Variants in ARHGAP15 observed in about 807,000 individuals in gnomAD.
ARHGAP15 encodes Rho GTPase activating protein 15.
ARHGAP15 carries 51 observed loss-of-function variants against 63.7 expected under a neutral mutation model. The observed-to-expected ratio is 0.80, with a 90% CI of 0.64 to 1.01. The LOEUF is 1.01. ARHGAP15 is among the 50% of genes least tolerant of loss of function. ARHGAP15 has a pLI of 0.00. For synonymous variants in ARHGAP15, 191 were observed against 193.8 expected (o/e 0.99, Z 0.12); for missense variants, 560 against 564.6 (o/e 0.99, Z 0.08).
At position 143,534,653 on chromosome 2, in the gene ARHGAP15, C is replaced by T. The variant is rs573112965; in HGVS notation, c.925+15289C>T. 8.4e-4 allele frequency among the ~76,000 whole-genome samples: 127 copies of T among 151,988 alleles called. 1 individual carries two copies. Among genetic ancestry groups the T allele is most frequent in the Admixed American group, 2.0e-3 (30 of 15,264 alleles). ...CAGCACTTTGGGAGGCTGAGGTGGG[C>T]AGATCTCTTGAGCTGAGGAGTTCGA... On this transcript the variant is annotated intron_variant, in intron 10 of 13. Coordinates refer to ENST00000295095, the MANE Select transcript of ARHGAP15 (RefSeq NM_018460.4).
At chr2:143,452,431 T>C (rs1363772970) in intron 8 of ARHGAP15, among the ~76,000 whole-genome samples, 1 of 151,936 alleles carries the variant, frequency 6.6e-6, no homozygotes, top group Non-Finnish European at 1.5e-5. Flanking sequence ...ACCCGAAACA[T>C]TAAAGGGGAT....
intron 6 of ARHGAP15, among the ~76,000 whole-genome samples, chr2:143,277,699 C>T (rs893074859): frequency 1.3e-5 from 2 of 152,064 alleles, no homozygotes; most frequent in Admixed American, 1.3e-4. Context: ...TGATTAGTTT[C>T]TAAGCCTGAG....
intron 1 of ARHGAP15, among the ~76,000 whole-genome samples, chr2:143,130,408 A>AT (rs953670282): frequency 6.6e-5 from 10 of 152,218 alleles, no homozygotes; most frequent in Non-Finnish European, 1.3e-4. Flanking sequence ...AAGAATTTTA[A>AT]TAACAGCCCA....
At chr2:143,284,307 G>GAT (rs1166673737) in intron 6 of ARHGAP15, among the ~76,000 whole-genome samples, 1 of 152,164 alleles carries the variant, frequency 6.6e-6, no homozygotes, top group African/African-American at 2.4e-5. Context: ...TAGAAAGGCA[G>GAT]GCCTACTTTT....
intron 6 of ARHGAP15, among the ~76,000 whole-genome samples, chr2:143,410,615 A>G (rs1403802022): frequency 6.6e-6 from 1 of 152,192 alleles, no homozygotes; most frequent in Non-Finnish European, 1.5e-5. Context: ...ACATACAGAA[A>G]AGGACTCTGC....
chr2:143,650,079 C>T (rs1393604529), intron 12 of ARHGAP15, among the ~76,000 whole-genome samples: 1 of 151,568 alleles, frequency 6.6e-6, no homozygotes, highest in African/African-American at 2.4e-5. Context: ...CGTCAGTAAA[C>T]TAAGTAGTCA....
At chr2:143,600,619 A>C (rs1167488766) in intron 11 of ARHGAP15, among the ~76,000 whole-genome samples, 1 of 152,140 alleles carries the variant, frequency 6.6e-6, no homozygotes, top group Non-Finnish European at 1.5e-5. Flanking sequence ...TATTGCTTTA[A>C]ATTGTTTTTA....
chr2:143,611,498 A>T (rs942347257), intron 11 of ARHGAP15, among the ~76,000 whole-genome samples: 2 of 152,232 alleles, frequency 1.3e-5, no homozygotes, highest in African/African-American at 4.8e-5. Flanking sequence ...ACATAAGATC[A>T]TGCAGATAAA....
intron 9 of ARHGAP15, among the ~76,000 whole-genome samples, chr2:143,503,305 G>A (rs1693158995): frequency 6.6e-6 from 1 of 152,180 alleles, no homozygotes; most frequent in Admixed American, 6.5e-5. Context: ...ATAATGGGAA[G>A]TCATAAGTTG....
In ARHGAP15 at chr2:143,228,626, TG is replaced by T. The variant is rs754349411; in HGVS notation, c.343del (p.Glu115AsnfsTer14). On this transcript the variant is annotated frameshift_variant, in exon 5 of 14. Transcript: ENST00000295095. LOFTEE classifies it high-confidence loss of function. ...SWIVLSSRRI[E>X]FYKESKQQAL... is the part of the protein sequence containing the mutation. ...GGATTGTTCTTTCTAGTCGAAGAAT[TG>T]AATTTTACAAAGAATCCAAGCAACA... The T allele has an allele frequency of 1.7e-5, 27 of 1,609,720 alleles. No individual in the cohort carries two copies. The highest frequency in any genetic ancestry group is 2.2e-5 in the Non-Finnish European group (26 of 1,178,102).
chr2:143,614,067 C>A (rs896084272), intron 11 of ARHGAP15, among the ~76,000 whole-genome samples: 1 of 152,098 alleles, frequency 6.6e-6, no homozygotes, highest in Non-Finnish European at 1.5e-5. Context: ...CATTCCTTGG[C>A]GTGATTGTTA....
chr2:143,319,756 C>T (rs1574267808), intron 6 of ARHGAP15, among the ~76,000 whole-genome samples: 1 of 151,892 alleles, frequency 6.6e-6, no homozygotes, highest in African/African-American at 2.4e-5. Context: ...CTTTATAGGG[C>T]CTTTTATGTG....
intron 6 of ARHGAP15, among the ~76,000 whole-genome samples, chr2:143,343,063 C>T (rs1189878618): frequency 6.6e-6 from 1 of 151,990 alleles, no homozygotes; most frequent in African/African-American, 2.4e-5. Context: ...TTCCTACAAC[C>T]TACAACAAGC....
At chr2:143,158,352 A>T (rs1690162745) in intron 2 of ARHGAP15, among the ~76,000 whole-genome samples, 1 of 151,938 alleles carries the variant, frequency 6.6e-6, no homozygotes, top group Non-Finnish European at 1.5e-5. Flanking sequence ...TGAAATGCCA[A>T]TATAAACATT....
At chr2:143,335,624 G>C (rs949248491) in intron 6 of ARHGAP15, among the ~76,000 whole-genome samples, 1 of 152,192 alleles carries the variant, frequency 6.6e-6, no homozygotes. Flanking sequence ...CTTATGCCAA[G>C]CAATAACCCA....
intron 13 of ARHGAP15, among the ~76,000 whole-genome samples, chr2:143,735,574 T>G (rs763113958): frequency 2.6e-5 from 4 of 152,188 alleles, no homozygotes; most frequent in Non-Finnish European, 2.9e-5. Context: ...TTATTCTTCT[T>G]GTCCTGGATT....
At chr2:143,190,455 A>T (rs1691637497) in intron 2 of ARHGAP15, among the ~76,000 whole-genome samples, 1 of 152,172 alleles carries the variant, frequency 6.6e-6, no homozygotes, top group Non-Finnish European at 1.5e-5. Flanking sequence ...CATATCTGGG[A>T]GGTTGACTGA....
intron 8 of ARHGAP15, among the ~76,000 whole-genome samples, chr2:143,443,409 T>G (rs181645897): frequency 2.4e-3 from 333 of 140,634 alleles, no homozygotes; most frequent in Middle Eastern, 7.2e-3. Flanking sequence ...GTTTTCTGAT[T>G]TGGGTGAGAG....
At chr2:143,233,603 G>T (rs1446310985) in intron 5 of ARHGAP15, among the ~76,000 whole-genome samples, 3 of 147,914 alleles carry the variant, frequency 2.0e-5, no homozygotes, top group Non-Finnish European at 3.0e-5. Context: ...TAAAATTATT[G>T]ATTGCTGTCA....
Sources: gnomAD v4.1 joint callset for allele counts (sites outside exome capture counted in the v4.1 genomes callset) on GRCh38, gnomAD v4.1.1 for gene constraint, MANE v1.5 for transcripts, NCBI Gene and HGNC (gene_info 2026-07-23, HGNC 2026-07-21) for gene names.